HS2ST1: variants seen among roughly 807,000 people sequenced by gnomAD.
HS2ST1 encodes heparan sulfate 2-O-sulfotransferase 1, also known as 2-O-sulfotransferase.
A neutral mutation model predicts 42.9 loss-of-function variants in HS2ST1; 18 were observed. The ratio of observed to expected loss-of-function variants is 0.42; its 90% CI spans 0.29 to 0.62. HS2ST1 has a LOEUF of 0.62. HS2ST1 is among the 20% of genes least tolerant of loss of function. HS2ST1 has a pLI of 0.21. For missense variants in HS2ST1, 334 were observed against 433.8 expected (o/e 0.77, Z 2.04); for synonymous variants, 146 against 152.9 (o/e 0.95, Z 0.33).
chr1:86,996,473 G>A (rs74535570), intron 1 of HS2ST1, among the ~76,000 whole-genome samples: 11,795 of 147,652 alleles, frequency 0.08, 625 homozygotes, highest in Non-Finnish European at 0.12. Context: ...AGTAACAGAA[G>A]TATGGCCATA....
chr1:86,944,824 G>A (rs72947877), intron 1 of HS2ST1, among the ~76,000 whole-genome samples: 3,568 of 151,114 alleles, frequency 0.024, 73 homozygotes, highest in African/African-American at 0.049. Context: ...TAACTTCCTA[G>A]GCCTTTTTGC....
chr1:87,068,916 C>T (rs939665114), intron 1 of HS2ST1, among the ~76,000 whole-genome samples: 6 of 152,086 alleles, frequency 3.9e-5, no homozygotes, highest in Admixed American at 1.3e-4. Context: ...TTGTCTCAAA[C>T]TCCTCGGCTT....
chr1:87,102,887 A>C (rs1652249683), intron 5 of HS2ST1, among the ~76,000 whole-genome samples: 1 of 152,234 alleles, frequency 6.6e-6, no homozygotes, highest in Non-Finnish European at 1.5e-5. Flanking sequence ...CCAAAAGTAT[A>C]GTTTATTTTG....
chr1:87,011,322 C>G (rs1013560035), intron 1 of HS2ST1, among the ~76,000 whole-genome samples: 8 of 152,110 alleles, frequency 5.3e-5, no homozygotes, highest in African/African-American at 9.7e-5. Flanking sequence ...TCATAGCTCA[C>G]TGCAGCCTTG....
At chr1:86,993,009 T>G in intron 1 of HS2ST1, 1 of 1,503,038 alleles carries the variant, frequency 6.7e-7, no homozygotes, top group East Asian at 2.4e-5. Context: ...TTCCTCCCAG[T>G]GTGGGGAGGG....
At chr1:86,916,749 C>A (rs1022847703) in intron 1 of HS2ST1, among the ~76,000 whole-genome samples, 1 of 152,046 alleles carries the variant, frequency 6.6e-6, no homozygotes, top group African/African-American at 2.4e-5. Flanking sequence ...TATTAATGAT[C>A]CAGCTCTACA....
intron 1 of HS2ST1, among the ~76,000 whole-genome samples, chr1:87,006,124 T>C (rs1385669978): frequency 6.6e-6 from 1 of 152,178 alleles, no homozygotes; most frequent in Non-Finnish European, 1.5e-5. Flanking sequence ...CTGGTAAGTT[T>C]TGTATAGGCT....
intron 5 of HS2ST1, among the ~76,000 whole-genome samples, chr1:87,101,613 T>A (rs1371010888): frequency 1.3e-5 from 2 of 152,228 alleles, no homozygotes; most frequent in African/African-American, 4.8e-5. Flanking sequence ...CAGCCTGGAC[T>A]TCTGTCCATA....
chr1:87,089,288 A>G (rs1230145134), intron 3 of HS2ST1, among the ~76,000 whole-genome samples: 2 of 152,038 alleles, frequency 1.3e-5, no homozygotes, highest in African/African-American at 4.8e-5. Flanking sequence ...AATTCCTAAA[A>G]TATCTTTTTA....
At chr1:87,059,176 C>T (rs1026113550) in intron 1 of HS2ST1, among the ~76,000 whole-genome samples, 1 of 152,140 alleles carries the variant, frequency 6.6e-6, no homozygotes, top group Non-Finnish European at 1.5e-5. Flanking sequence ...CTAAAATTGC[C>T]ATACGTTTTT....
intron 2 of HS2ST1, among the ~76,000 whole-genome samples, chr1:87,073,743 T>C (rs568858114): frequency 6.6e-6 from 1 of 152,342 alleles, no homozygotes; most frequent in Admixed American, 6.5e-5. Context: ...GAGGAAATTA[T>C]CTTATGAAAT....
intron 1 of HS2ST1, among the ~76,000 whole-genome samples, chr1:86,917,175 C>T (rs1378539100): frequency 1.3e-5 from 2 of 152,168 alleles, no homozygotes; most frequent in Non-Finnish European, 2.9e-5. Flanking sequence ...ATATTCTGTA[C>T]TAGGCACTTT....
At chr1:86,955,844 T>G (rs1450523525) in intron 1 of HS2ST1, among the ~76,000 whole-genome samples, 1 of 151,904 alleles carries the variant, frequency 6.6e-6, no homozygotes, top group Non-Finnish European at 1.5e-5. Flanking sequence ...AAATTATACG[T>G]GCATGGGTGG....
intron 1 of HS2ST1, among the ~76,000 whole-genome samples, chr1:86,976,575 A>G (rs1462075111): frequency 6.6e-6 from 1 of 151,722 alleles, no homozygotes; most frequent in Non-Finnish European, 1.5e-5. Flanking sequence ...GCTTAATTTA[A>G]CACCACTTTT....
intron 3 of HS2ST1, among the ~76,000 whole-genome samples, chr1:87,089,794 C>T (rs1651897082): frequency 6.6e-6 from 1 of 151,994 alleles, no homozygotes; most frequent in Non-Finnish European, 1.5e-5. Context: ...CAAAGCCATT[C>T]CACACATAGA....
chr1:86,990,518 G>C (rs1391854297), intron 1 of HS2ST1, among the ~76,000 whole-genome samples: 1 of 151,954 alleles, frequency 6.6e-6, no homozygotes, highest in Non-Finnish European at 1.5e-5. Context: ...ATAAATCCCT[G>C]TGAATTTTCA....
chr1:87,067,741 T>C (rs1651291317), intron 1 of HS2ST1, among the ~76,000 whole-genome samples: 1 of 152,230 alleles, frequency 6.6e-6, no homozygotes, highest in Non-Finnish European at 1.5e-5. Context: ...AGTTAATTTT[T>C]GTGTAAGGTG....
intron 1 of HS2ST1, among the ~76,000 whole-genome samples, chr1:87,048,645 G>A (rs1316109583): frequency 6.6e-6 from 1 of 151,380 alleles, no homozygotes. Context: ...TCTAGTCCCA[G>A]TTTGCTGAGA....
At chr1:86,915,696 T>TTG (rs759361097) in intron 1 of HS2ST1, among the ~76,000 whole-genome samples, 11 of 152,338 alleles carry the variant, frequency 7.2e-5, no homozygotes, top group South Asian at 2.1e-4. Context: ...AGTTGCACTC[T>TTG]TGTGCTCCGG....
Sources: allele counts gnomAD v4.1 joint callset (sites outside exome capture counted in the v4.1 genomes callset), GRCh38; gene constraint gnomAD v4.1.1; transcripts MANE v1.5; gene names NCBI Gene and HGNC (gene_info 2026-07-23, HGNC 2026-07-21).